The following PHLDA1 variants were observed in gnomAD, a reference collection of about 807,000 sequenced individuals.
The protein encoded by PHLDA1 is pleckstrin homology like domain family A member 1.
A neutral mutation model predicts 33.8 loss-of-function variants in PHLDA1; 28 were observed. That is an observed-to-expected ratio of 0.83 (90% CI 0.61 to 1.14). The LOEUF is 1.14. PHLDA1 is among the 50% of genes most tolerant of loss of function. The pLI, the probability that PHLDA1 is intolerant of heterozygous loss-of-function variation, is 0.00. For missense variants in PHLDA1, 595 were observed against 548.6 expected, an observed-to-expected ratio of 1.08 and a Z score of -0.84; for synonymous variants, 271 against 243.6, an observed-to-expected ratio of 1.11 and a Z score of -1.05.
Position 76,031,142 on chromosome 12 carries a change from C to G in PHLDA1, c.600G>C (p.Gln200His). Reference sequence around the variant, plus strand: ...GCCCCTGCCCGGGCTGTTGTTGCTGCTGCTGCTGCTGCTGTTGCTGCTGCT... The same window carrying G: ...GCCCCTGCCCGGGCTGTTGTTGCTGGTGCTGCTGCTGCTGTTGCTGCTGCT... Residue 200 changes from glutamine (Q) to histidine (H), a missense_variant, in exon 1 of 2, where the codon CAG becomes CAC. Transcript: ENST00000266671. The surrounding 1 kb of genome is among the most constrained non-coding windows in gnomAD (Gnocchi z 5.4). The G allele has an allele frequency of 6.7e-7, 1 of 1,488,980 alleles. No individual in the cohort carries two copies. The highest frequency in any genetic ancestry group is 8.9e-7 in the Non-Finnish European group (1 of 1,127,610). 92.2% of individuals were successfully genotyped at this position (1,488,980 alleles called of 1,614,324 possible). A position where few individuals can be genotyped will look rare whatever the true frequency, so the allele number is the denominator to read the frequency against.
exon 1 of PHLDA1, chr12:76,030,756 G>T: frequency 7.6e-7 from 1 of 1,323,254 alleles, no homozygotes; most frequent in Non-Finnish European, 1.1e-6. Flanking sequence ...TTGGGGCTGG[G>T]GTTGCGGCTG....
At chr12:76,029,847 T>C (rs774422657) in exon 2 of PHLDA1, 1 of 152,614 alleles carries the variant, frequency 6.6e-6, no homozygotes, top group African/African-American at 2.4e-5. Flanking sequence ...CAGTACATCA[T>C]CGCTCCTAGA....
exon 1 of PHLDA1, chr12:76,030,575 G>C: frequency 6.2e-7 from 1 of 1,613,874 alleles, no homozygotes; most frequent in Admixed American, 1.7e-5. Context: ...GCCGGTGCCC[G>C]TGCGGCTGCG....
Position 76,030,539 on chromosome 12 carries a change from G to C in PHLDA1, c.1203C>G (p.Ala401=), listed in dbSNP as rs765810374. ...TCTTGCCCGGGAGCTGCCCCTTTCA[G>C]GCAGAGTTGGAGGTGCTGCGGAGAA... Residue 401 remains alanine (A), a synonymous_variant, in exon 1 of 2, where the codon GCC becomes GCG. Transcript: ENST00000266671. 93 of 1,612,990 alleles carry C rather than the reference G, an allele frequency of 5.8e-5. No individual in the cohort carries two copies. In the Admixed American group the frequency reaches 1.5e-3, roughly 25 times the overall value.
chr12:76,031,528 GC>G lies in PHLDA1; in HGVS notation c.213del (p.Trp71CysfsTer81), dbSNP rs1443739212. On this transcript the variant is annotated frameshift_variant, in exon 1 of 2. Coordinates refer to ENST00000266671, the Ensembl canonical transcript of PHLDA1. LOFTEE classifies it high-confidence loss of function. This position sits in a 1 kb window ranked among gnomAD's most constrained non-coding sequence, Gnocchi z 5.4. ...CAGAGGGACAGCCGCGTCCTGATGCGCCACAAGGTCCCGGAGCTCCGAGCTG... is the reference window on the plus strand; with the variant it reads ...CAGAGGGACAGCCGCGTCCTGATGCGCACAAGGTCCCGGAGCTCCGAGCTG... 2.6e-6 allele frequency: 4 copies of G among 1,529,318 alleles called. No individual in the cohort carries two copies. The highest frequency in any genetic ancestry group is 3.5e-6 in the Non-Finnish European group (4 of 1,141,570). The allele number at this position is 1,529,318 out of a possible 1,614,324, so 94.7% of individuals were successfully genotyped here.
chr12:76,031,540 CG>C lies in PHLDA1; in HGVS notation c.201del (p.Thr69ProfsTer83). The C allele has an allele frequency of 6.5e-7, 1 of 1,543,982 alleles. No homozygotes were observed. Among genetic ancestry groups the C allele is most frequent in the South Asian group, 1.2e-5 (1 of 82,100 alleles). On this transcript the variant is annotated frameshift_variant, in exon 1 of 2. Coordinates refer to ENST00000266671, the Ensembl canonical transcript of PHLDA1. LOFTEE classifies it high-confidence loss of function. The surrounding 1 kb of genome is among the most constrained non-coding windows in gnomAD (Gnocchi z 5.4). ...CGCGTCCTGATGCGCCACAAGGTCC[CG>C]GAGCTCCGAGCTGCCGGGCCTCTGC...
exon 1 of PHLDA1, chr12:76,030,590 CGGCTGTGGGTGT>C (rs774149114): frequency 6.2e-7 from 1 of 1,611,604 alleles, no homozygotes; most frequent in South Asian, 1.1e-5. Context: ...GCTGCGAGTG[CGGCTGTGGGTGT>C]GGGTGCGGTA....
At chr12:76,025,840 CA>C (rs1442823570) in exon 2 of PHLDA1, 2 of 152,212 alleles carry the variant, frequency 1.3e-5, no homozygotes, top group Non-Finnish European at 2.9e-5. Context: ...GCTTCTAACC[CA>C]GAGTCCTTCT....
exon 2 of PHLDA1, chr12:76,027,761 C>CAAAAAA: frequency 9.4e-6 from 1 of 106,682 alleles, no homozygotes; most frequent in Non-Finnish European, 1.9e-5. Context: ...GACTCCATCT[C>CAAAAAA]AAAAAAAAAA....
exon 2 of PHLDA1, chr12:76,026,700 A>G (rs939813884): frequency 2.0e-5 from 3 of 152,356 alleles, no homozygotes; most frequent in African/African-American, 7.2e-5. Flanking sequence ...AGCTTGCTCA[A>G]TGAGGAAAAT....
rs1228463680 is a variant in PHLDA1 at position 76,031,679 on chromosome 12, G to C, written c.63C>G (p.Arg21=). 38 of 1,478,062 alleles carry C rather than the reference G, an allele frequency of 2.6e-5. No individual in the cohort carries two copies. Among genetic ancestry groups the C allele is most frequent in the Non-Finnish European group, 3.2e-5 (36 of 1,113,924 alleles). The allele number at this position is 1,478,062 out of a possible 1,614,324, so 91.6% of individuals were successfully genotyped here. Reference sequence around the variant, plus strand: ...CACCCAGCGGAAAAGGCGGCTCCTGGCGCCCGCACCGCGGGGGAAAGCCCA... The same window carrying C: ...CACCCAGCGGAAAAGGCGGCTCCTGCCGCCCGCACCGCGGGGGAAAGCCCA... The change falls in exon 1 of 2, where the codon CGC becomes CGG. Residue 21 remains arginine, a synonymous_variant. Transcript: ENST00000266671. This position sits in a 1 kb window ranked among gnomAD's most constrained non-coding sequence, Gnocchi z 5.4.
At chr12:76,030,608 C>T (rs1870870572) in exon 1 of PHLDA1, 1 of 1,601,258 alleles carries the variant, frequency 6.2e-7, no homozygotes, top group Non-Finnish European at 8.6e-7. Context: ...GGTGTGGGTG[C>T]GGTATTTGGT....
chr12:76,031,550 A>C lies in PHLDA1; in HGVS notation c.192T>G (p.Ala64=). 5 of 1,551,340 alleles carry C rather than the reference A, an allele frequency of 3.2e-6. No individual in the cohort carries two copies. The highest frequency in any genetic ancestry group is 4.3e-6 in the Non-Finnish European group (5 of 1,152,692). The change falls in exon 1 of 2, where the codon GCT becomes GCG. Residue 64 remains alanine, a synonymous_variant. Transcript: ENST00000266671. This position sits in a 1 kb window ranked among gnomAD's most constrained non-coding sequence, Gnocchi z 5.4. ...TGCGCCACAAGGTCCCGGAGCTCCG[A>C]GCTGCCGGGCCTCTGCCGTCCTCTT...
At position 76,031,567 on chromosome 12, in the gene PHLDA1, C is replaced by T. The variant is rs781720454; in HGVS notation, c.175G>A (p.Gly59Ser). 4.5e-6 allele frequency: 7 copies of T among 1,567,544 alleles called. No individual in the cohort carries two copies. In the African/African-American group the frequency reaches 5.6e-5, roughly 13 times the overall value. The stretch of plus-strand genomic sequence containing the variant: ...GAGCTCCGAGCTGCCGGGCCTCTGC[C>T]GTCCTCTTGCGAGCGCTCACTGAAG... Residue 59 changes from glycine (G) to serine (S), a missense_variant, in exon 1 of 2, where the codon GGC becomes AGC. By Grantham distance (56) the Gly-to-Ser change is moderately conservative. Transcript: ENST00000266671. The surrounding 1 kb of genome is among the most constrained non-coding windows in gnomAD (Gnocchi z 5.4).
In PHLDA1 at chr12:76,031,598, T is replaced by C. The variant is rs1449807854; in HGVS notation, c.144A>G (p.Pro48=). The change falls in exon 1 of 2, where the codon CCA becomes CCG. Residue 48 remains proline (P), a synonymous_variant. Coordinates refer to ENST00000266671, the Ensembl canonical transcript of PHLDA1. This position sits in a 1 kb window ranked among gnomAD's most constrained non-coding sequence, Gnocchi z 5.4. ...CTTGCGAGCGCTCACTGAAGGGCAC[T>C]GGCCGGGCCCCCTCGCGGCGCTTTT... is the stretch of plus-strand genomic sequence containing the variant. 3 of 1,574,818 alleles carry C rather than the reference T, an allele frequency of 1.9e-6. No homozygotes were observed. Among genetic ancestry groups the C allele is most frequent in the East Asian group, 4.8e-5 (2 of 41,576 alleles).
rs756969220 is a variant in PHLDA1 at position 76,031,343 on chromosome 12, G to A, written c.399C>T (p.Ser133=). 6.2e-7 allele frequency: 1 copy of A among 1,612,028 alleles called. No individual in the cohort carries two copies. The highest frequency in any genetic ancestry group is 1.3e-5 in the African/African-American group (1 of 75,004). Residue 133 remains serine, a synonymous_variant, in exon 1 of 2, where the codon AGC becomes AGT. Transcript: ENST00000266671. The surrounding 1 kb of genome is among the most constrained non-coding windows in gnomAD (Gnocchi z 5.4). ...TCCTCCCAGCATAAGAGGGGCCGCC[G>A]CTTGGCTCGGCCTCTCCGTTTCCAG...
At chr12:76,030,198 T>C in intron 1 of PHLDA1, 106 bp from the exon 2 acceptor site, 1 of 383,662 alleles carries the variant, frequency 2.6e-6, no homozygotes, top group Non-Finnish European at 4.8e-6. Context: ...GACACCGTGG[T>C]GTTTCCCTCA....
At chr12:76,030,871 C>T (rs768162878) in exon 1 of PHLDA1, 3 of 1,610,386 alleles carry the variant, frequency 1.9e-6, no homozygotes, top group East Asian at 2.2e-5. Flanking sequence ...GATTTGACCG[C>T]CAGGATGGCC....
In PHLDA1 at chr12:76,031,488, G is replaced by A. The variant is rs1418867187; in HGVS notation, c.254C>T (p.Pro85Leu). Residue 85 changes from proline to leucine, a missense_variant, in exon 1 of 2, where the codon CCG becomes CTG. Pro to Leu is a moderately conservative substitution (Grantham distance 98). This residue lies in a region of PHLDA1 where 263 missense variants were observed against 232.3 expected (regional missense o/e 1.13). Coordinates refer to ENST00000266671, the Ensembl canonical transcript of PHLDA1. This position sits in a 1 kb window ranked among gnomAD's most constrained non-coding sequence, Gnocchi z 5.4. ...ACGCAGGAGGCAGAGCGGCGGCGGC[G>A]GCTCTGGGTCCCGGCAGAGGGACAG... 3 of 1,518,592 alleles carry A rather than the reference G, an allele frequency of 2.0e-6. No homozygotes were observed. Among genetic ancestry groups the A allele is most frequent in the Admixed American group, 2.2e-5 (1 of 45,982 alleles). The allele number at this position is 1,518,592 out of a possible 1,614,324, so 94.1% of individuals were successfully genotyped here. A position where few individuals can be genotyped will look rare whatever the true frequency, so the allele number is the denominator to read the frequency against.
Sources: gnomAD v4.1 joint callset for allele counts on GRCh38, gnomAD v4.1.1 for gene constraint, gnomAD v4.1.1 regional missense constraint, Gnocchi (gnomAD v3.1) non-coding constraint, MANE v1.5 for transcripts, NCBI Gene and HGNC (gene_info 2026-07-23, HGNC 2026-07-21) for gene names.